The following IFT74 variants were observed in gnomAD, a reference collection of about 807,000 sequenced individuals.
IFT74 encodes the protein intraflagellar transport 74, also known as intraflagellar transport protein 74 homolog.
Under a neutral mutation model 96.7 loss-of-function variants are expected in IFT74, and 92 were observed. The ratio of observed to expected loss-of-function variants is 0.95; its 90% CI spans 0.80 to 1.13. The LOEUF is 1.13. Among genes scored for constraint, IFT74 ranks in the 50% most tolerant of loss-of-function variants. IFT74 has a pLI of 0.00. For synonymous variants in IFT74, 223 were observed against 213.2 expected (o/e 1.05, Z -0.40); for missense variants, 811 against 698.2 (o/e 1.16, Z -1.82).
At chr9:27,029,472 G>A (rs1261054727) in intron 13 of IFT74, among the ~76,000 whole-genome samples, 1 of 152,174 alleles carries the variant, frequency 6.6e-6, no homozygotes, top group South Asian at 2.1e-4. Flanking sequence ...AGTCGGCCGG[G>A]TGTGGTGGCT....
intron 14 of IFT74, 46 bp from the exon 15 acceptor site, chr9:27,047,228 G>GA: frequency 8.7e-7 from 1 of 1,145,940 alleles, no homozygotes; most frequent in Non-Finnish European, 1.3e-6. Flanking sequence ...TTTATATAGT[G>GA]TTAACTCTAT....
rs1049302759 is a variant in IFT74 at position 26,970,844 on chromosome 9, C to T, written c.121-7284C>T. ...ATCTTTTCAAGGGGTGGTTGTGATT[C>T]TTAACAAGGCAATGGGGAGACATTT... On this transcript the variant is annotated intron_variant, in intron 2 of 19. Transcript: ENST00000380062. Among the ~76,000 whole-genome samples, 3 of 152,148 alleles carry T rather than the reference C, an allele frequency of 2.0e-5. No homozygotes were observed. In the South Asian group the frequency reaches 6.2e-4, roughly 31 times the overall value.
At chr9:27,032,690 A>AC (rs1247501106) in intron 13 of IFT74, among the ~76,000 whole-genome samples, 1 of 151,844 alleles carries the variant, frequency 6.6e-6, no homozygotes, top group Non-Finnish European at 1.5e-5. Context: ...ACATGGTGAA[A>AC]CCCCATCTCT....
At chr9:27,001,975 A>G (rs1034891767) in intron 8 of IFT74, among the ~76,000 whole-genome samples, 1 of 151,044 alleles carries the variant, frequency 6.6e-6, no homozygotes, top group Non-Finnish European at 1.5e-5. Context: ...AAGAGGTTTA[A>G]TTGACTCAGT....
chr9:27,046,240 A>G (rs1563999912), intron 14 of IFT74, among the ~76,000 whole-genome samples: 1 of 152,246 alleles, frequency 6.6e-6, no homozygotes, highest in Non-Finnish European at 1.5e-5. Flanking sequence ...GAAGCAGGAC[A>G]TTAAAGAAAA....
chr9:27,060,675 G>A, intron 19 of IFT74, 24 bp downstream of exon 19: 1 of 1,570,920 alleles, frequency 6.4e-7, no homozygotes. Context: ...AGCTGAAAAT[G>A]GGGCCGGGTG....
Position 27,028,520 on chromosome 9 carries a change from G to A in IFT74, c.975-505G>A, listed in dbSNP as rs191100690. ...CGCCTGTAATCCCAGCACTTTGGGA[G>A]GCTGAGGCAGGTGGATCTCGAGGTC... On this transcript the variant is annotated intron_variant, in intron 12 of 19. Transcript: ENST00000380062. Among the ~76,000 whole-genome samples, 77 of 152,258 alleles carry A rather than the reference G, an allele frequency of 5.1e-4. 1 individual carries two copies. Among genetic ancestry groups the A allele is most frequent in the Admixed American group, 3.5e-3 (54 of 15,294 alleles).
chr9:27,000,607 A>G (rs981668811), intron 8 of IFT74, among the ~76,000 whole-genome samples: 1 of 152,204 alleles, frequency 6.6e-6, no homozygotes, highest in Non-Finnish European at 1.5e-5. Context: ...GGGATATCCA[A>G]CACGTTAAAT....
chr9:26,986,786 C>G (rs1827659059), intron 6 of IFT74, among the ~76,000 whole-genome samples: 1 of 151,858 alleles, frequency 6.6e-6, no homozygotes, highest in South Asian at 2.1e-4. Context: ...GCATGCCTGG[C>G]TAATTTTTAA....
At chr9:27,041,368 T>G (rs533836462) in intron 13 of IFT74, among the ~76,000 whole-genome samples, 1 of 152,130 alleles carries the variant, frequency 6.6e-6, no homozygotes. Context: ...CCTAATGGAG[T>G]GTAAGCCCTT....
chr9:26,948,015 C>G (rs1382301835), intron 1 of IFT74, among the ~76,000 whole-genome samples: 5 of 152,152 alleles, frequency 3.3e-5, no homozygotes, highest in African/African-American at 7.2e-5. Context: ...CCGCTATTCT[C>G]TCGCATCCAA....
rs375128279 is a variant in IFT74 at position 27,060,656 on chromosome 9, C to G, written c.1684+5C>G. 6.3e-6 allele frequency: 10 copies of G among 1,596,052 alleles called. No individual in the cohort carries two copies. The highest frequency in any genetic ancestry group is 8.6e-6 in the Non-Finnish European group (10 of 1,168,564). On this transcript the variant is annotated splice_donor_5th_base_variant and intron_variant, in intron 19 of 19. Transcript: ENST00000380062. ...ATAATTTTGCGATGAAAGAATGTATCCTTTAAAAAGCTGAAAATGGGGCCG... is the reference window on the plus strand; with the variant it reads ...ATAATTTTGCGATGAAAGAATGTATGCTTTAAAAAGCTGAAAATGGGGCCG...
rs1286765193 is a variant in IFT74, at chr9:27,064,181, AC to A, written c.*1446del. ...TGAGATGTGTCATTCCAAGAAATAG[AC>A]TTTGTACACCAAATAGACTTCATAC... On this transcript the variant is annotated 3_prime_UTR_variant, in exon 20 of 20. Transcript: ENST00000380062. 6.6e-6 allele frequency among the ~76,000 whole-genome samples: 1 copy of A among 152,114 alleles called. No homozygotes were observed. The highest frequency in any genetic ancestry group is 1.9e-4 in the East Asian group (1 of 5,194).
At chr9:26,989,655 T>C (rs997192619) in intron 7 of IFT74, among the ~76,000 whole-genome samples, 3 of 152,096 alleles carry the variant, frequency 2.0e-5, no homozygotes, top group African/African-American at 7.2e-5. Context: ...ATGCCAGATA[T>C]AAAAAGTAAA....
intron 8 of IFT74, among the ~76,000 whole-genome samples, chr9:27,006,832 T>G (rs957635260): frequency 6.7e-4 from 16 of 23,848 alleles, no homozygotes; most frequent in South Asian, 1.9e-3. Context: ...TTATTGTGTG[T>G]TTTTTTTTTT....
chr9:27,036,012 A>C (rs545891805), intron 13 of IFT74, among the ~76,000 whole-genome samples: 1 of 152,374 alleles, frequency 6.6e-6, no homozygotes, highest in Admixed American at 6.5e-5. Context: ...CAATAACATA[A>C]ACAGTTAACA....
At chr9:27,026,806 C>G (rs1467659880) in intron 12 of IFT74, among the ~76,000 whole-genome samples, 2 of 152,124 alleles carry the variant, frequency 1.3e-5, no homozygotes, top group African/African-American at 2.4e-5. Flanking sequence ...ATTAAAACCT[C>G]TGGGATACAG....
intron 8 of IFT74, among the ~76,000 whole-genome samples, chr9:27,004,731 A>G (rs969716955): frequency 2.0e-5 from 3 of 152,194 alleles, no homozygotes; most frequent in African/African-American, 7.2e-5. Context: ...GTTGAGTTTC[A>G]TATAGTGATT....
At chr9:26,992,490 C>T (rs959385965) in intron 8 of IFT74, among the ~76,000 whole-genome samples, 9 of 152,020 alleles carry the variant, frequency 5.9e-5, no homozygotes, top group African/African-American at 2.2e-4. Flanking sequence ...GTCAGGAGTT[C>T]AAGACCAGCC....
Sources: allele counts gnomAD v4.1 joint callset (sites outside exome capture counted in the v4.1 genomes callset), GRCh38; gene constraint gnomAD v4.1.1; transcripts MANE v1.5; gene names NCBI Gene and HGNC (gene_info 2026-07-23, HGNC 2026-07-21).